Variants in ANXA4 observed in about 807,000 individuals in gnomAD.
The protein encoded by ANXA4 is 35-beta calcimedin.
ANXA4 carries 39 observed loss-of-function variants against 49.8 expected under a neutral mutation model. The ratio of observed to expected loss-of-function variants is 0.78; its 90% CI spans 0.61 to 1.02. The LOEUF is 1.02. Ranked by LOEUF, ANXA4 falls within the 50% of genes least tolerant of loss-of-function variation. The pLI is 0.00. For synonymous variants in ANXA4, 134 were observed against 152.5 expected, an observed-to-expected ratio of 0.88 and a Z score of 0.89; for missense variants, 360 against 410.1, an observed-to-expected ratio of 0.88 and a Z score of 1.05.
intron 12 of ANXA4, among the ~76,000 whole-genome samples, chr2:69,824,519 A>G (rs1674380170): frequency 6.6e-6 from 1 of 151,964 alleles, no homozygotes; most frequent in African/African-American, 2.4e-5. Context: ...AAAAAAAAAA[A>G]AAGGTTTAAG....
upstream of ANXA4, chr2:69,741,924 T>C (rs2105467701): frequency 6.6e-6 from 1 of 152,288 alleles, no homozygotes; most frequent in African/African-American, 2.4e-5. Flanking sequence ...CAGGCACGTG[T>C]GGAGGGCGGA....
chr2:69,763,817 C>T (rs1473303461), intron 1 of ANXA4, among the ~76,000 whole-genome samples: 1 of 152,036 alleles, frequency 6.6e-6, no homozygotes, highest in Non-Finnish European at 1.5e-5. Flanking sequence ...CGTGCGCCAC[C>T]ACGCCTGGCT....
chr2:69,775,467 A>G (rs967698842), intron 1 of ANXA4, among the ~76,000 whole-genome samples: 8 of 152,180 alleles, frequency 5.3e-5, no homozygotes, highest in African/African-American at 1.9e-4. Flanking sequence ...GCTGTTACCA[A>G]TGCCATGGGT....
At chr2:69,807,485 G>A (rs1159124216) in intron 5 of ANXA4, among the ~76,000 whole-genome samples, 1 of 152,078 alleles carries the variant, frequency 6.6e-6, no homozygotes, top group Non-Finnish European at 1.5e-5. Flanking sequence ...ATCATAAGTC[G>A]AGGAGTACAA....
At chr2:69,643,852 C>T (rs1675879954), upstream of ANXA4, 19 of 1,179,816 alleles carry the variant, frequency 1.6e-5, no homozygotes, top group South Asian at 4.3e-5. Context: ...ACCGGGGCCT[C>T]TCCTGCAACC....
chr2:69,729,956 C>A (rs544853237), intron 3 of ANXA4, among the ~76,000 whole-genome samples: 13 of 152,304 alleles, frequency 8.5e-5, no homozygotes, highest in African/African-American at 3.1e-4. Flanking sequence ...TGACTCCCTG[C>A]AAAGAGATTT....
intron 1 of ANXA4, among the ~76,000 whole-genome samples, chr2:69,760,817 A>C (rs188628962): frequency 2.3e-4 from 35 of 152,304 alleles, no homozygotes; most frequent in Middle Eastern, 3.4e-3. Flanking sequence ...AACATTAGCT[A>C]TAACAATTAT....
At chr2:69,774,461 T>C (rs1396876921) in intron 1 of ANXA4, among the ~76,000 whole-genome samples, 3 of 150,090 alleles carry the variant, frequency 2.0e-5, no homozygotes, top group Non-Finnish European at 4.4e-5. Flanking sequence ...GCCTCAGCCT[T>C]CCGAGTAGCT....
At chr2:69,682,886 G>C (rs1677648053) in intron 2 of ANXA4, among the ~76,000 whole-genome samples, 2 of 152,260 alleles carry the variant, frequency 1.3e-5, no homozygotes, top group East Asian at 1.9e-4. Context: ...TCTCAGTCTT[G>C]AGACGTCAGA....
chr2:69,667,861 A>G (rs1192756558), intron 2 of ANXA4, among the ~76,000 whole-genome samples: 1 of 152,138 alleles, frequency 6.6e-6, no homozygotes, highest in Non-Finnish European at 1.5e-5. Flanking sequence ...TTGGGGGTTG[A>G]CTGGAATTTG....
chr2:69,746,204 G>T (rs1670606111), intron 1 of ANXA4, among the ~76,000 whole-genome samples: 1 of 151,988 alleles, frequency 6.6e-6, no homozygotes, highest in African/African-American at 2.4e-5. Flanking sequence ...TGGAGACGGG[G>T]TTTCACCATG....
chr2:69,760,023 G>A (rs1256213952), intron 1 of ANXA4, among the ~76,000 whole-genome samples: 1 of 151,934 alleles, frequency 6.6e-6, no homozygotes, highest in Non-Finnish European at 1.5e-5. Context: ...TAGTAGAGAC[G>A]GGGTTTCACC....
At chr2:69,768,570 A>G (rs1671585895) in intron 1 of ANXA4, among the ~76,000 whole-genome samples, 1 of 152,228 alleles carries the variant, frequency 6.6e-6, no homozygotes, top group Non-Finnish European at 1.5e-5. Context: ...GGCGGAAAGG[A>G]AAGTGTGCCG....
At chr2:69,648,711 C>T (rs1327861841) in intron 1 of ANXA4, among the ~76,000 whole-genome samples, 3 of 150,826 alleles carry the variant, frequency 2.0e-5, no homozygotes, top group Non-Finnish European at 2.9e-5. Flanking sequence ...GTAATACCAG[C>T]TCGGGAGGCT....
At chr2:69,675,874 T>C (rs1677393312) in intron 2 of ANXA4, among the ~76,000 whole-genome samples, 1 of 151,676 alleles carries the variant, frequency 6.6e-6, no homozygotes, top group Non-Finnish European at 1.5e-5. Flanking sequence ...ATACAAAAAA[T>C]TAGCCAAGCG....
At chr2:69,671,976 T>C (rs558401407) in intron 2 of ANXA4, among the ~76,000 whole-genome samples, 24 of 152,214 alleles carry the variant, frequency 1.6e-4, no homozygotes, top group Admixed American at 1.6e-3. Context: ...AAAAACCTTA[T>C]GACTCAGTGA....
intron 1 of ANXA4, among the ~76,000 whole-genome samples, chr2:69,779,020 C>T (rs575926777): frequency 7.8e-5 from 11 of 141,548 alleles, no homozygotes; most frequent in Non-Finnish European, 1.4e-4. Context: ...AGACAGAAGA[C>T]TCGCTTGAAC....
At chr2:69,746,782 G>C (rs569615575) in intron 1 of ANXA4, among the ~76,000 whole-genome samples, 9 of 151,818 alleles carry the variant, frequency 5.9e-5, no homozygotes, top group African/African-American at 1.9e-4. Context: ...CTACAGCCTG[G>C]TCAACATGGA....
intron 2 of ANXA4, among the ~76,000 whole-genome samples, chr2:69,668,580 A>G (rs949065087): frequency 5.3e-5 from 8 of 152,182 alleles, no homozygotes; most frequent in African/African-American, 1.9e-4. Flanking sequence ...TTCTCATTAT[A>G]TATGTATAGA....
Sources: allele counts gnomAD v4.1 joint callset (sites outside exome capture counted in the v4.1 genomes callset), GRCh38; gene constraint gnomAD v4.1.1; transcripts MANE v1.5; gene names NCBI Gene and HGNC (gene_info 2026-07-23, HGNC 2026-07-21).